EBF1: variants seen among roughly 807,000 people sequenced by gnomAD.
EBF1 encodes EBF transcription factor 1.
EBF1 carries 10 observed loss-of-function variants against 68.4 expected under a neutral mutation model. The ratio of observed to expected loss-of-function variants is 0.15; its 90% confidence interval spans 0.09 to 0.25. The LOEUF (loss-of-function observed/expected upper bound fraction) is 0.25, where lower values mean the gene tolerates loss of function less well. Among genes scored for constraint, EBF1 ranks in the 10% least tolerant of loss-of-function variants. The pLI, the probability that EBF1 is intolerant of heterozygous loss-of-function variation, is 1.00. For missense variants in EBF1, 509 were observed against 794.4 expected (o/e 0.64, Z 4.32); for synonymous variants, 298 against 299.8 (o/e 0.99, Z 0.06).
intron 6 of EBF1, among the ~76,000 whole-genome samples, chr5:158,879,707 T>A (rs1798483535): frequency 6.6e-6 from 1 of 151,988 alleles, no homozygotes; most frequent in African/African-American, 2.4e-5. Flanking sequence ...GAACTTAAAG[T>A]ATAATAATAA....
chr5:159,053,626 C>T (rs190413754), intron 6 of EBF1, among the ~76,000 whole-genome samples: 3 of 151,910 alleles, frequency 2.0e-5, no homozygotes, highest in African/African-American at 7.3e-5. Flanking sequence ...CACACACACA[C>T]ACACACACAC....
intron 6 of EBF1, among the ~76,000 whole-genome samples, chr5:159,038,881 A>G (rs1439281188): frequency 6.6e-6 from 1 of 152,114 alleles, no homozygotes; most frequent in Non-Finnish European, 1.5e-5. Context: ...AGGATCTCGG[A>G]CAAGTAGCCT....
intron 4 of EBF1, 128 bp downstream of exon 4, chr5:159,095,492 G>C: frequency 9.7e-7 from 1 of 1,025,994 alleles, no homozygotes; most frequent in Non-Finnish European, 1.4e-6. Context: ...GTGCAAGTTT[G>C]GTCTGAGCCG....
chr5:158,707,769 A>G (rs1435832414), intron 15 of EBF1: 1 of 554,066 alleles, frequency 1.8e-6, no homozygotes, highest in Non-Finnish European at 3.1e-6. Context: ...CTTCTTGAGC[A>G]CCTCCAGCAG....
At chr5:158,853,339 A>G (rs1006000124) in intron 6 of EBF1, among the ~76,000 whole-genome samples, 1 of 152,236 alleles carries the variant, frequency 6.6e-6, no homozygotes, top group Non-Finnish European at 1.5e-5. Context: ...CATGTGACCC[A>G]AGTCAAGCCA....
intron 14 of EBF1, among the ~76,000 whole-genome samples, chr5:158,711,914 T>C (rs1030875649): frequency 6.6e-6 from 1 of 152,178 alleles, no homozygotes; most frequent in Non-Finnish European, 1.5e-5. Flanking sequence ...ACAGCTGCTT[T>C]GGATGGTAGC....
At chr5:158,763,442 A>G (rs950729479) in intron 10 of EBF1, among the ~76,000 whole-genome samples, 1 of 152,116 alleles carries the variant, frequency 6.6e-6, no homozygotes, top group African/African-American at 2.4e-5. Flanking sequence ...ACTCCACTTC[A>G]CCCACAGTGA....
At chr5:158,794,992 C>T (rs776756816) in intron 9 of EBF1, among the ~76,000 whole-genome samples, 3 of 152,142 alleles carry the variant, frequency 2.0e-5, no homozygotes, top group East Asian at 1.9e-4. Context: ...TTTGATTCTA[C>T]GACCAAATGC....
intron 6 of EBF1, among the ~76,000 whole-genome samples, chr5:158,948,739 G>T (rs1167711943): frequency 1.3e-5 from 2 of 152,126 alleles, no homozygotes. Flanking sequence ...CCCTGCCTTT[G>T]ACTGACATGT....
At chr5:158,708,223 G>GA (rs1758333196) in intron 14 of EBF1, 50 bp from the exon 15 acceptor site, 1 of 1,523,496 alleles carries the variant, frequency 6.6e-7, no homozygotes, top group Non-Finnish European at 8.9e-7. Flanking sequence ...ATGGCATCCT[G>GA]AAGCAAAGAA....
chr5:158,880,028 C>T (rs1434939684), intron 6 of EBF1, among the ~76,000 whole-genome samples: 5 of 152,174 alleles, frequency 3.3e-5, no homozygotes, highest in African/African-American at 1.2e-4. Context: ...CCCCAAATCA[C>T]ACAACTAATT....
At chr5:158,858,232 G>A (rs1224687844) in intron 6 of EBF1, among the ~76,000 whole-genome samples, 1 of 152,128 alleles carries the variant, frequency 6.6e-6, no homozygotes, top group South Asian at 2.1e-4. Context: ...GCATCTAGTG[G>A]TAAACTTGCA....
intron 6 of EBF1, among the ~76,000 whole-genome samples, chr5:158,909,628 A>G (rs1195148812): frequency 6.6e-6 from 1 of 152,102 alleles, no homozygotes; most frequent in Non-Finnish European, 1.5e-5. Flanking sequence ...GAGTTCTTAC[A>G]GTTACAGATC....
rs1554157163 is a variant in EBF1, at chr5:158,840,673, G to GT, written c.555-564dup. On this transcript the variant is annotated intron_variant, in intron 6 of 15. Transcript: ENST00000313708. ...TTTTTTTTTTTTTTTTTTTTTTTTT[G>GT]TTTTTTTTTTTTTTTTGAGACGGAG... 4.6e-3 allele frequency among the ~76,000 whole-genome samples: 318 copies of GT among 68,906 alleles called. 5 individuals are homozygous for GT. Among genetic ancestry groups the GT allele is most frequent in the Middle Eastern group, 0.01 (1 of 98 alleles). 45.2% of individuals were successfully genotyped at this position (68,906 alleles called of 152,430 possible).
chr5:159,012,416 A>T (rs1466771533), intron 6 of EBF1, among the ~76,000 whole-genome samples: 2 of 151,850 alleles, frequency 1.3e-5, no homozygotes, highest in Middle Eastern at 3.2e-3. Flanking sequence ...GTCCCATTCC[A>T]CTCCAAAATT....
chr5:158,712,198 G>C lies in EBF1; in HGVS notation c.1505C>G (p.Ser502Cys). 1 of 1,613,820 alleles carries C rather than the reference G, an allele frequency of 6.2e-7. No homozygotes were observed. ...AGCTGAGCCGTTGAGGAAGGTGGGG[G>C]AGCCGCCCAAATTGGACATTGCGGC... ...GSAAMSNLGGSPTFLNGSAAN... is the reference protein window; with the variant it reads ...GSAAMSNLGGCPTFLNGSAAN... The change falls in exon 14 of 16, where the codon TCC (serine) becomes TGC (cysteine). Residue 502 changes from serine (S) to cysteine (C), a missense_variant. Around this residue, in one of 3 missense-constraint regions of EBF1, gnomAD observed 205 missense variants for 247.4 expected, o/e 0.83. Coordinates refer to ENST00000313708, the MANE Select transcript of EBF1 (RefSeq NM_024007.5).
chr5:158,786,146 A>C (rs1191475974), intron 9 of EBF1, among the ~76,000 whole-genome samples: 1 of 152,194 alleles, frequency 6.6e-6, no homozygotes, highest in Non-Finnish European at 1.5e-5. Flanking sequence ...TTTACTAAAA[A>C]ATTCCCAAAC....
At chr5:159,046,090 T>C (rs150140726) in intron 6 of EBF1, among the ~76,000 whole-genome samples, 103 of 152,308 alleles carry the variant, frequency 6.8e-4, no homozygotes, top group Non-Finnish European at 1.1e-3. Flanking sequence ...CAGCTCTCCG[T>C]ATATTCCTCC....
intron 6 of EBF1, among the ~76,000 whole-genome samples, chr5:159,044,663 G>T (rs902589854): frequency 1.3e-5 from 2 of 152,254 alleles, no homozygotes; most frequent in South Asian, 2.1e-4. Flanking sequence ...CTTCTAAAGT[G>T]CAGGTCCCCA....
Sources: gnomAD v4.1 joint callset for allele counts (sites outside exome capture counted in the v4.1 genomes callset) on GRCh38, gnomAD v4.1.1 for gene constraint, gnomAD v4.1.1 regional missense constraint, MANE v1.5 for transcripts, NCBI Gene and HGNC (gene_info 2026-07-23, HGNC 2026-07-21) for gene names.